The following JAM2 variants were observed in gnomAD, a reference collection of about 807,000 sequenced individuals.
JAM2 encodes junctional adhesion molecule B.
JAM2 carries 17 observed loss-of-function variants against 42.0 expected under a neutral mutation model. The ratio of observed to expected loss-of-function variants is 0.40; its 90% CI spans 0.28 to 0.61. The LOEUF is 0.61. JAM2 is among the 20% of genes least tolerant of loss of function. The pLI is 0.37. For missense variants in JAM2, 319 were observed against 358.3 expected (o/e 0.89, Z 0.89); for synonymous variants, 118 against 128.6 (o/e 0.92, Z 0.56).
chr21:25,669,657 C>T (rs2033310712), intron 1 of JAM2, among the ~76,000 whole-genome samples: 1 of 152,168 alleles, frequency 6.6e-6, no homozygotes, highest in South Asian at 2.1e-4. Context: ...GCATTACTAG[C>T]TTCATTTTAC....
At chr21:25,666,616 AGCCTTGACCTCTTGG>A (rs563351056) in intron 1 of JAM2, among the ~76,000 whole-genome samples, 1 of 152,314 alleles carries the variant, frequency 6.6e-6, no homozygotes, top group Non-Finnish European at 1.5e-5. Flanking sequence ...AGCTCACTGC[AGCCTTGACCTCTTGG>A]GCTCGAGTGA....
rs2032362037 is a variant in JAM2 at position 25,639,524 on chromosome 21, C to T, written c.-298C>T. On this transcript the variant is annotated 5_prime_UTR_variant, in exon 1 of 10. Transcript: ENST00000480456. ...CGCTGCTCTCCTCCTGCTGCCCCCT[C>T]GCTAGGACCCGGCGGACGCCTCGTC... 1 of 325,970 alleles carries T rather than the reference C, an allele frequency of 3.1e-6. No homozygotes were observed. The highest frequency in any genetic ancestry group is 2.1e-5 in the African/African-American group (1 of 46,694). The allele number at this position is 325,970 out of a possible 1,614,324, so 20.2% of individuals were successfully genotyped here.
chr21:25,672,772 A>C (rs953036095), intron 1 of JAM2, among the ~76,000 whole-genome samples: 1 of 152,188 alleles, frequency 6.6e-6, no homozygotes, highest in Non-Finnish European at 1.5e-5. Flanking sequence ...CCATTACGCC[A>C]AGTGTCTGTT....
chr21:25,661,634 TTA>T (rs2123333218), intron 1 of JAM2, among the ~76,000 whole-genome samples: 2 of 152,018 alleles, frequency 1.3e-5, no homozygotes, highest in African/African-American at 4.8e-5. Context: ...TGTATATAAA[TTA>T]TATGTTTGTA....
chr21:25,687,475 T>G (rs1229501277), intron 2 of JAM2, among the ~76,000 whole-genome samples: 4 of 152,258 alleles, frequency 2.6e-5, no homozygotes, highest in African/African-American at 7.2e-5. Flanking sequence ...GCATAAGTAC[T>G]GAATTTTGGC....
intron 3 of JAM2, 57 bp downstream of exon 3, chr21:25,690,030 A>G: frequency 1.9e-6 from 2 of 1,074,670 alleles, no homozygotes; most frequent in Non-Finnish European, 2.9e-6. Context: ...TACAACCAGG[A>G]TCCTTTAATT....
At chr21:25,694,261 A>G (rs2033948137) in intron 4 of JAM2, among the ~76,000 whole-genome samples, 1 of 152,220 alleles carries the variant, frequency 6.6e-6, no homozygotes, top group Non-Finnish European at 1.5e-5. Context: ...GTAGTATCAC[A>G]TGAGATGGTG....
At chr21:25,685,647 G>C (rs1329023872) in intron 2 of JAM2, among the ~76,000 whole-genome samples, 1 of 151,362 alleles carries the variant, frequency 6.6e-6, no homozygotes, top group Non-Finnish European at 1.5e-5. Context: ...ATATGCTTAA[G>C]CTATAGAACA....
chr21:25,703,768 C>CA (rs61230573), intron 6 of JAM2, among the ~76,000 whole-genome samples: 46,509 of 141,782 alleles, frequency 0.33, 8,700 homozygotes, highest in African/African-American at 0.53. Context: ...ACTTTTTTTT[C>CA]AAAAAAAAAA....
chr21:25,675,817 A>C (rs2033476259), intron 1 of JAM2, among the ~76,000 whole-genome samples: 1 of 152,092 alleles, frequency 6.6e-6, no homozygotes, highest in African/African-American at 2.4e-5. Flanking sequence ...ACTGAACATG[A>C]GATTTGGGTG....
chr21:25,668,897 T>A (rs2033287606), intron 1 of JAM2, among the ~76,000 whole-genome samples: 1 of 152,026 alleles, frequency 6.6e-6, no homozygotes, highest in African/African-American at 2.4e-5. Context: ...AGAAGAAGGG[T>A]GTGATGGATT....
At chr21:25,645,667 C>T (rs949937682) in intron 1 of JAM2, among the ~76,000 whole-genome samples, 3 of 152,178 alleles carry the variant, frequency 2.0e-5, no homozygotes, top group Admixed American at 1.3e-4. Flanking sequence ...CCTAATGATG[C>T]GATGTGTTCT....
chr21:25,699,889 G>C (rs575876431), intron 5 of JAM2, among the ~76,000 whole-genome samples: 2 of 152,066 alleles, frequency 1.3e-5, no homozygotes, highest in East Asian at 1.9e-4. Context: ...ACAACATCAG[G>C]AAAATGCATG....
intron 8 of JAM2, chr21:25,709,813 G>T (rs192835936): frequency 3.3e-3 from 603 of 183,202 alleles, no homozygotes; most frequent in Non-Finnish European, 4.6e-3. Context: ...CAAGGTTGGG[G>T]AGGTGCCACA....
At chr21:25,659,143 A>C (rs1193533192) in intron 1 of JAM2, among the ~76,000 whole-genome samples, 1 of 152,216 alleles carries the variant, frequency 6.6e-6, no homozygotes, top group Admixed American at 6.5e-5. Flanking sequence ...AATATCCAAA[A>C]ATGAACACAT....
At chr21:25,645,045 TA>T (rs977226853) in intron 1 of JAM2, among the ~76,000 whole-genome samples, 1 of 152,176 alleles carries the variant, frequency 6.6e-6, no homozygotes, top group Non-Finnish European at 1.5e-5. Context: ...CACGCCCACC[TA>T]ACTTTTGTAT....
chr21:25,709,643 G>C (rs1008623144), intron 8 of JAM2, 194 bp downstream of exon 8: 1 of 415,788 alleles, frequency 2.4e-6, no homozygotes, highest in Non-Finnish European at 4.4e-6. Flanking sequence ...ACCCGAGACT[G>C]GGTAGTTTAT....
At chr21:25,663,787 T>C (rs2033149997) in intron 1 of JAM2, among the ~76,000 whole-genome samples, 1 of 152,138 alleles carries the variant, frequency 6.6e-6, no homozygotes, top group Non-Finnish European at 1.5e-5. Flanking sequence ...AAGAAATAAA[T>C]TCCTTTTCTT....
In JAM2 at chr21:25,712,357, C is replaced by G; in HGVS notation, c.839C>G (p.Ser280Cys). Residue 280 changes from serine to cysteine, a missense_variant, in exon 9 of 10, where the codon TCT becomes TGT. Physicochemically the swap from Ser to Cys is moderately radical, Grantham distance 112 (BLOSUM62 -1). Transcript: ENST00000480456. ...ETSFQKSNSS[S>C]KATTMSENDF... ...ACAAACAGGAAGAGTAATTCTTCAT[C>G]TAAAGCCACGACAATGAGTGAAAAT... 2 of 1,595,204 alleles carry G rather than the reference C, an allele frequency of 1.3e-6. No homozygotes were observed. The highest frequency in any genetic ancestry group is 2.2e-5 in the South Asian group (2 of 90,340).
Sources: allele counts gnomAD v4.1 joint callset (sites outside exome capture counted in the v4.1 genomes callset), GRCh38; gene constraint gnomAD v4.1.1; transcripts MANE v1.5; gene names NCBI Gene and HGNC (gene_info 2026-07-23, HGNC 2026-07-21).